RBBP4: variants seen among roughly 807,000 people sequenced by gnomAD.
RBBP4 encodes the protein RB binding protein 4, chromatin remodeling factor, also known as histone-binding protein RBBP4.
A neutral mutation model predicts 57.2 loss-of-function variants in RBBP4; 3 were observed. The observed-to-expected ratio is 0.05, with a 90% CI of 0.02 to 0.14. The LOEUF is 0.14. RBBP4 is among the 10% of genes least tolerant of loss of function. The pLI is 1.00. For synonymous variants in RBBP4, 151 were observed against 171.5 expected, an observed-to-expected ratio of 0.88 and a Z score of 0.93; for missense variants, 107 against 520.6, an observed-to-expected ratio of 0.21 and a Z score of 7.73.
At chr1:32,659,786 C>T (rs1231606238) in intron 3 of RBBP4, among the ~76,000 whole-genome samples, 2 of 152,154 alleles carry the variant, frequency 1.3e-5, no homozygotes, top group Non-Finnish European at 2.9e-5. Flanking sequence ...AGATGGAGAC[C>T]TGCCTCCTTT....
At position 32,684,056 on chromosome 1, in the gene RBBP4, A is replaced by G; in HGVS notation, c.*4351A>G. Reference sequence around the variant, plus strand: ...CACCTGCCTGAGAAGTGGGAGCATCAGCCTGTTCCAGGCTCTTGGGTAGTA... The same window carrying G: ...CACCTGCCTGAGAAGTGGGAGCATCGGCCTGTTCCAGGCTCTTGGGTAGTA... On this transcript the variant is annotated 3_prime_UTR_variant, in exon 12 of 12. Coordinates refer to ENST00000373493, the MANE Select transcript of RBBP4 (RefSeq NM_005610.3). 1 of 1,614,228 alleles carries G rather than the reference A, an allele frequency of 6.2e-7. No homozygotes were observed. Among genetic ancestry groups the G allele is most frequent in the Non-Finnish European group, 8.5e-7 (1 of 1,180,044 alleles).
In RBBP4 at chr1:32,684,290, C is replaced by A; in HGVS notation, c.*4585C>A. 6.2e-7 allele frequency: 1 copy of A among 1,614,182 alleles called. No homozygotes were observed. The highest frequency in any genetic ancestry group is 1.7e-5 in the Admixed American group (1 of 60,024). On this transcript the variant is annotated 3_prime_UTR_variant, in exon 12 of 12. Transcript: ENST00000373493. ...TAGAGAGCTCTTCAGCAAGACTGAG[C>A]CTTAGCTGTTCCATCTCTTTGTTCT...
rs538944772 is a variant in RBBP4, at chr1:32,662,363, TTTGTTG to T, written c.310+4810_310+4815del. 332 of 178,096 alleles carry T rather than the reference TTTGTTG, an allele frequency of 1.9e-3. 1 individual carries two copies. In the Middle Eastern group the frequency reaches 0.026, roughly 14 times the overall value. The allele number at this position is 178,096 out of a possible 1,614,324, so 11.0% of individuals were successfully genotyped here. On this transcript the variant is annotated intron_variant, in intron 3 of 11. Transcript: ENST00000373493. ...GTACCCGCCACCACACCAGCTAATT[TTTGTTG>T]TTGTTGTTGTTGTTGTTGCTTTTTG... is the stretch of plus-strand genomic sequence containing the variant.
intron 3 of RBBP4, among the ~76,000 whole-genome samples, chr1:32,659,989 C>T (rs185925068): frequency 3.3e-5 from 5 of 152,278 alleles, no homozygotes; most frequent in African/African-American, 1.2e-4. Flanking sequence ...GATTTGAAGT[C>T]CCACAACAGC....
At chr1:32,658,953 A>T (rs1324243073) in intron 3 of RBBP4, among the ~76,000 whole-genome samples, 1 of 148,870 alleles carries the variant, frequency 6.7e-6, no homozygotes, top group Non-Finnish European at 1.5e-5. Context: ...AAACATACGT[A>T]TATATGTATG....
intron 2 of RBBP4, among the ~76,000 whole-genome samples, chr1:32,653,438 A>G (rs1478562161): frequency 6.6e-6 from 1 of 152,134 alleles, no homozygotes; most frequent in African/African-American, 2.4e-5. Flanking sequence ...TAATTGCAAA[A>G]TGTTATTAGA....
chr1:32,675,957 C>T (rs1254430488), intron 11 of RBBP4, among the ~76,000 whole-genome samples: 8 of 151,564 alleles, frequency 5.3e-5, no homozygotes, highest in Non-Finnish European at 1.2e-4. Context: ...CTTGGTGGTA[C>T]GTGCCTGTGA....
At chr1:32,663,835 C>CA (rs1245810766) in intron 3 of RBBP4, among the ~76,000 whole-genome samples, 1 of 152,092 alleles carries the variant, frequency 6.6e-6, no homozygotes, top group Non-Finnish European at 1.5e-5. Context: ...CTCGGCCTCT[C>CA]AAAGTGCTGC....
At chr1:32,659,062 A>T (rs1231468996) in intron 3 of RBBP4, among the ~76,000 whole-genome samples, 1 of 147,524 alleles carries the variant, frequency 6.8e-6, no homozygotes, top group Non-Finnish European at 1.5e-5. Context: ...TAAATATATA[A>T]ATTATATATG....
chr1:32,659,124 TATAC>T (rs1255169128), intron 3 of RBBP4, among the ~76,000 whole-genome samples: 2 of 147,690 alleles, frequency 1.4e-5, no homozygotes, highest in Non-Finnish European at 1.5e-5. Flanking sequence ...ATAATTTATA[TATAC>T]ATATAAATTT....
chr1:32,661,301 C>CTTTTTTTT lies in RBBP4; in HGVS notation c.310+3729_310+3730insTTTTTTTT, dbSNP rs370489912. Among the ~76,000 whole-genome samples the CTTTTTTTT allele has an allele frequency of 1.6e-4, 21 of 132,106 alleles. 10 individuals are homozygous for CTTTTTTTT. Among genetic ancestry groups the CTTTTTTTT allele is most frequent in the Non-Finnish European group, 1.7e-4 (11 of 64,962 alleles). 86.7% of individuals were successfully genotyped at this position (132,106 alleles called of 152,430 possible). A position where few individuals can be genotyped will look rare whatever the true frequency, so the allele number is the denominator to read the frequency against. ...TTGAATGGTAGTTCTATTTTTAGTT[C>CTTTTTTTT]CTTTTTTTTTTTTTTTGAGATGGAG... On this transcript the variant is annotated intron_variant, in intron 3 of 11. Transcript: ENST00000373493.
intron 11 of RBBP4, among the ~76,000 whole-genome samples, chr1:32,677,002 A>G (rs1649131205): frequency 6.6e-6 from 1 of 152,168 alleles, no homozygotes; most frequent in Admixed American, 6.5e-5. Flanking sequence ...CATCACCTCC[A>G]TTCCAAGTTG....
At chr1:32,654,124 G>A (rs1648032696) in intron 2 of RBBP4, among the ~76,000 whole-genome samples, 1 of 152,124 alleles carries the variant, frequency 6.6e-6, no homozygotes, top group African/African-American at 2.4e-5. Context: ...TGTAATCCCA[G>A]CACTTTGGGA....
intron 3 of RBBP4, chr1:32,657,783 T>C: frequency 2.2e-6 from 1 of 462,682 alleles, no homozygotes; most frequent in Non-Finnish European, 3.6e-6. Flanking sequence ...CAATAAACTT[T>C]TCTCAGCTGG....
chr1:32,665,902 CTAT>C (rs1457698499), intron 3 of RBBP4, among the ~76,000 whole-genome samples: 1 of 152,110 alleles, frequency 6.6e-6, no homozygotes, highest in Non-Finnish European at 1.5e-5. Flanking sequence ...ATGCTGCCTT[CTAT>C]TATTCTTTGA....
chr1:32,662,061 G>T (rs769750749), intron 3 of RBBP4, among the ~76,000 whole-genome samples: 1 of 149,532 alleles, frequency 6.7e-6, no homozygotes, highest in African/African-American at 2.5e-5. Flanking sequence ...AATTTTTGTG[G>T]TTGTAGTAGA....
At chr1:32,668,699 C>T in intron 4 of RBBP4, 40 bp from the exon 5 acceptor site, 1 of 1,511,474 alleles carries the variant, frequency 6.6e-7, no homozygotes, top group Admixed American at 1.7e-5. Context: ...CCCAGAGAGC[C>T]AGTGGACTGG....
chr1:32,676,566 C>G (rs957237291), intron 11 of RBBP4, among the ~76,000 whole-genome samples: 4 of 148,688 alleles, frequency 2.7e-5, no homozygotes, highest in Non-Finnish European at 5.9e-5. Context: ...GAGCCAAGAT[C>G]GCACCATTGC....
chr1:32,657,983 G>T (rs1648217641), intron 3 of RBBP4, among the ~76,000 whole-genome samples: 1 of 152,108 alleles, frequency 6.6e-6, no homozygotes, highest in Non-Finnish European at 1.5e-5. Flanking sequence ...CTCCTGAGTA[G>T]CTGGGATTAC....
Sources: gnomAD v4.1 joint callset for allele counts (sites outside exome capture counted in the v4.1 genomes callset) on GRCh38, gnomAD v4.1.1 for gene constraint, MANE v1.5 for transcripts, NCBI Gene and HGNC (gene_info 2026-07-23, HGNC 2026-07-21) for gene names.